The following RGS3 variants were observed in gnomAD, a reference collection of about 807,000 sequenced individuals.
RGS3 encodes the protein regulator of G protein signaling 3, also known as regulator of G-protein signalling 3.
Under a neutral mutation model 132.6 loss-of-function variants are expected in RGS3, and 80 were observed. The ratio of observed to expected loss-of-function variants is 0.60; its 90% CI spans 0.50 to 0.73. The LOEUF is 0.73. RGS3 is among the 30% of genes least tolerant of loss of function. The pLI is 0.00. For missense variants in RGS3, 1,382 were observed against 1,530.8 expected, an observed-to-expected ratio of 0.90 and a Z score of 1.62; for synonymous variants, 598 against 620.6, an observed-to-expected ratio of 0.96 and a Z score of 0.54.
At chr9:113,494,396 T>C (rs555232235) in intron 7 of RGS3, among the ~76,000 whole-genome samples, 2 of 152,358 alleles carry the variant, frequency 1.3e-5, no homozygotes, top group Admixed American at 1.3e-4. Flanking sequence ...AAACTTCTTT[T>C]TCTCTAACAA....
At chr9:113,482,818 G>A in intron 4 of RGS3, 5 of 818,996 alleles carry the variant, frequency 6.1e-6, no homozygotes, top group Non-Finnish European at 9.1e-6. Flanking sequence ...ATTGGTGAGG[G>A]TGCTGCCAGA....
intron 1 of RGS3, chr9:113,460,354 C>A: frequency 3.8e-6 from 1 of 262,910 alleles, no homozygotes; most frequent in South Asian, 3.4e-5. Flanking sequence ...CCCGTCTCTA[C>A]TAAAAATACA....
chr9:113,591,688 A>G lies in RGS3; in HGVS notation c.3080+291A>G. 1 of 406,830 alleles carries G rather than the reference A, an allele frequency of 2.5e-6. No individual in the cohort carries two copies. The highest frequency in any genetic ancestry group is 4.6e-6 in the Non-Finnish European group (1 of 215,460). The allele number at this position is 406,830 out of a possible 1,614,324, so 25.2% of individuals were successfully genotyped here. A position where few individuals can be genotyped will look rare whatever the true frequency, so the allele number is the denominator to read the frequency against. ...TGCCCTGGCTTTAGCCCAGCTTCTG[A>G]GCCAAGCAGGGACCAAGTGACTTCA... On this transcript the variant is annotated intron_variant, in intron 21 of 24. Coordinates refer to ENST00000350696, the Ensembl canonical transcript of RGS3. The surrounding 1 kb of genome is among the most constrained non-coding windows in gnomAD (Gnocchi z 4.4).
At chr9:113,541,366 A>T (rs1346772435) in intron 19 of RGS3, 1 of 1,613,668 alleles carries the variant, frequency 6.2e-7, no homozygotes, top group Non-Finnish European at 8.5e-7. Context: ...GGGCCGGTCA[A>T]CTCAACCAAT....
At chr9:113,548,717 GA>G (rs1833214892) in intron 19 of RGS3, among the ~76,000 whole-genome samples, 3 of 152,136 alleles carry the variant, frequency 2.0e-5, no homozygotes, top group Non-Finnish European at 4.4e-5. Flanking sequence ...GAGGCCCGGA[GA>G]GCAGAAAGCA....
intron 8 of RGS3, among the ~76,000 whole-genome samples, chr9:113,496,438 G>A (rs1830685256): frequency 6.6e-6 from 1 of 152,132 alleles, no homozygotes; most frequent in Non-Finnish European, 1.5e-5. Context: ...CACATCCCTG[G>A]AAATGTCCTG....
chr9:113,473,106 A>G (rs1290333490), intron 3 of RGS3, among the ~76,000 whole-genome samples: 5 of 152,242 alleles, frequency 3.3e-5, no homozygotes, highest in Non-Finnish European at 7.3e-5. Flanking sequence ...TGTTAAAAAA[A>G]GAAGGAACTA....
At chr9:113,581,287 G>C (rs1297414964) in intron 19 of RGS3, 1 of 152,292 alleles carries the variant, frequency 6.6e-6, no homozygotes, top group East Asian at 1.9e-4. Context: ...TCACTGTCTA[G>C]ACTGGGCCCT....
intron 14 of RGS3, among the ~76,000 whole-genome samples, chr9:113,511,965 T>C (rs1266371700): frequency 6.6e-6 from 1 of 152,142 alleles, no homozygotes; most frequent in Non-Finnish European, 1.5e-5. Context: ...GGTGGATTAC[T>C]TGGAGGCTTA....
chr9:113,591,534 A>C lies in RGS3; in HGVS notation c.3080+137A>C. On this transcript the variant is annotated intron_variant, in intron 21 of 24. Coordinates refer to ENST00000350696, the Ensembl canonical transcript of RGS3. The surrounding 1 kb of genome is among the most constrained non-coding windows in gnomAD (Gnocchi z 4.4). ...CAACCCCAGACAGACACCAAGGAAA[A>C]ACTGGATCTTGGAACTTTGCAGTGA... The C allele has an allele frequency of 1.3e-6, 1 of 769,982 alleles. No individual in the cohort carries two copies. Among genetic ancestry groups the C allele is most frequent in the Non-Finnish European group, 2.2e-6 (1 of 448,014 alleles). The allele number at this position is 769,982 out of a possible 1,614,324, so 47.7% of individuals were successfully genotyped here. A position where few individuals can be genotyped will look rare whatever the true frequency, so the allele number is the denominator to read the frequency against.
chr9:113,535,702 A>G (rs988491267), intron 18 of RGS3, among the ~76,000 whole-genome samples: 7 of 151,002 alleles, frequency 4.6e-5, no homozygotes, highest in African/African-American at 1.7e-4. Flanking sequence ...AAAGGGCTGG[A>G]TAGAAACACT....
Position 113,595,790 on chromosome 9 carries a change from G to A in RGS3, c.3411+25G>A, listed in dbSNP as rs544621976. 115 of 1,607,220 alleles carry A rather than the reference G, an allele frequency of 7.2e-5. No homozygotes were observed. The South Asian group carries it at 1.0e-3, about 14-fold the overall frequency. On this transcript the variant is annotated intron_variant, in intron 24 of 24. Transcript: ENST00000350696. ...GGTAGGACCTCAGGGCAGACCCTCC[G>A]CTCCTCCAATCCCCAGGGCCCAGTG...
chr9:113,459,296 A>G (rs1443615921), upstream of RGS3, among the ~76,000 whole-genome samples: 1 of 152,164 alleles, frequency 6.6e-6, no homozygotes, highest in Non-Finnish European at 1.5e-5. Context: ...ATTTTGTCGA[A>G]TAGAGTTTTG....
At chr9:113,522,879 C>T (rs1385119616) in intron 16 of RGS3, 51 bp from the exon 15 acceptor site, 2 of 1,223,386 alleles carry the variant, frequency 1.6e-6, no homozygotes, top group Non-Finnish European at 2.4e-6. Flanking sequence ...TGGCTCTCAG[C>T]CTCCAGAGGA....
chr9:113,483,899 G>A (rs1030113135), intron 5 of RGS3, among the ~76,000 whole-genome samples: 4 of 152,138 alleles, frequency 2.6e-5, no homozygotes, highest in African/African-American at 7.2e-5. Flanking sequence ...TGGCTGGGCC[G>A]TGGCTGCCTT....
chr9:113,522,790 A>G (rs909656838), intron 16 of RGS3, 140 bp from the exon 15 acceptor site: 1 of 715,102 alleles, frequency 1.4e-6, no homozygotes, highest in Non-Finnish European at 2.6e-6. Flanking sequence ...TGTACTGAGC[A>G]CTGCTCCTGG....
At chr9:113,555,402 T>A (rs1350151512) in intron 19 of RGS3, among the ~76,000 whole-genome samples, 2 of 152,202 alleles carry the variant, frequency 1.3e-5, no homozygotes, top group African/African-American at 2.4e-5. Context: ...TGGACCATAC[T>A]TCTCTGCTTT....
At position 113,511,723 on chromosome 9, in the gene RGS3, C is replaced by T. The variant is rs1421637509; in HGVS notation, c.1478-2735C>T. ...GAAGAAATCAATTTTTTAAGAAGTC[C>T]GAGACTGGGGGCCCAGGACCCAGAT... On this transcript the variant is annotated intron_variant, in intron 14 of 24. Coordinates refer to ENST00000350696, the Ensembl canonical transcript of RGS3. Among the ~76,000 whole-genome samples the T allele has an allele frequency of 3.9e-5, 6 of 152,008 alleles. No homozygotes were observed. The South Asian group carries it at 6.2e-4, about 16-fold the overall frequency.
intron 19 of RGS3, chr9:113,541,726 G>T: frequency 9.5e-7 from 1 of 1,054,946 alleles, no homozygotes; most frequent in Non-Finnish European, 1.1e-6. Flanking sequence ...TGGGCTTCCA[G>T]TGGTGGCTCC....
Sources: allele counts gnomAD v4.1 joint callset (sites outside exome capture counted in the v4.1 genomes callset), GRCh38; gene constraint gnomAD v4.1.1; non-coding constraint Gnocchi (gnomAD v3.1); transcripts MANE v1.5; gene names NCBI Gene and HGNC (gene_info 2026-07-23, HGNC 2026-07-21).